ERBB4: variants seen among roughly 807,000 people sequenced by gnomAD.
ERBB4 encodes the protein receptor tyrosine-protein kinase erbB-4.
Under a neutral mutation model 158.0 loss-of-function variants are expected in ERBB4, and 42 were observed. That is an observed-to-expected ratio of 0.27 (90% CI 0.21 to 0.34). ERBB4 has a LOEUF of 0.34. Among genes scored for constraint, ERBB4 ranks in the 10% least tolerant of loss-of-function variants. The probability of loss-of-function intolerance (pLI) is 1.00; values close to 1 mark genes in which losing one functional copy is unlikely to be tolerated. For missense variants in ERBB4, 1,333 were observed against 1,624.1 expected, an observed-to-expected ratio of 0.82 and a Z score of 3.08; for synonymous variants, 583 against 558.7, an observed-to-expected ratio of 1.04 and a Z score of -0.61.
intron 20 of ERBB4, among the ~76,000 whole-genome samples, chr2:211,540,019 C>A (rs1559275428): frequency 6.6e-6 from 1 of 151,622 alleles, no homozygotes; most frequent in Non-Finnish European, 1.5e-5. Flanking sequence ...TGGATATATC[C>A]ATAAGTCATG....
intron 19 of ERBB4, among the ~76,000 whole-genome samples, chr2:211,586,008 T>G (rs2068264058): frequency 6.6e-6 from 1 of 152,180 alleles, no homozygotes; most frequent in Admixed American, 6.5e-5. Context: ...GTTCAAGAAA[T>G]TTACATCAAA....
chr2:211,595,798 T>C (rs1187419299), intron 19 of ERBB4, among the ~76,000 whole-genome samples: 2 of 152,196 alleles, frequency 1.3e-5, no homozygotes, highest in African/African-American at 4.8e-5. Flanking sequence ...ATCATGCAGA[T>C]ATGAAAGGGT....
At chr2:212,157,896 C>A (rs2081089389) in intron 1 of ERBB4, among the ~76,000 whole-genome samples, 1 of 152,036 alleles carries the variant, frequency 6.6e-6, no homozygotes, top group African/African-American at 2.4e-5. Context: ...AAGAAGCCTG[C>A]TCTTAACAGT....
chr2:211,711,932 G>T (rs959034804), intron 9 of ERBB4, 118 bp downstream of exon 9: 2 of 824,360 alleles, frequency 2.4e-6, no homozygotes, highest in Admixed American at 2.1e-5. Flanking sequence ...TTGGTGAGGA[G>T]CATTAATGAA....
chr2:211,429,028 A>T, intron 21 of ERBB4, among the ~76,000 whole-genome samples: 1 of 151,228 alleles, frequency 6.6e-6, no homozygotes, highest in Non-Finnish European at 1.5e-5. Flanking sequence ...ATTTTTTTAA[A>T]AAAAAAGCTT....
intron 3 of ERBB4, among the ~76,000 whole-genome samples, chr2:211,939,472 C>T (rs192323055): frequency 6.6e-6 from 1 of 151,968 alleles, no homozygotes; most frequent in Non-Finnish European, 1.5e-5. Flanking sequence ...ATTATCATGC[C>T]TTTGGTAAAC....
At chr2:212,056,171 G>T (rs1287573059) in intron 2 of ERBB4, among the ~76,000 whole-genome samples, 1 of 152,128 alleles carries the variant, frequency 6.6e-6, no homozygotes, top group Non-Finnish European at 1.5e-5. Flanking sequence ...TGGAAGAAAG[G>T]GTATCAGTGA....
At chr2:211,999,837 C>A (rs781486594) in intron 2 of ERBB4, among the ~76,000 whole-genome samples, 13 of 151,476 alleles carry the variant, frequency 8.6e-5, no homozygotes, top group African/African-American at 2.9e-4. Context: ...TATTTCCTTA[C>A]CAAGTTTAGT....
chr2:211,544,924 A>G (rs1310989972), intron 20 of ERBB4, among the ~76,000 whole-genome samples: 2 of 152,058 alleles, frequency 1.3e-5, no homozygotes, highest in East Asian at 3.9e-4. Flanking sequence ...ATCAAACTAT[A>G]AGACAACCTG....
chr2:211,510,845 C>T (rs2065868321), intron 20 of ERBB4, among the ~76,000 whole-genome samples: 1 of 151,902 alleles, frequency 6.6e-6, no homozygotes, highest in African/African-American at 2.4e-5. Flanking sequence ...ATGACAATCT[C>T]ATTTATTTTT....
At chr2:212,352,255 C>A (rs1356990725) in intron 1 of ERBB4, among the ~76,000 whole-genome samples, 1 of 150,106 alleles carries the variant, frequency 6.7e-6, no homozygotes, top group Admixed American at 6.6e-5. Context: ...ATCTGTACAT[C>A]AACATCCCAG....
chr2:211,866,432 G>T (rs1299585463), intron 3 of ERBB4, among the ~76,000 whole-genome samples: 1 of 151,906 alleles, frequency 6.6e-6, no homozygotes, highest in South Asian at 2.1e-4. Context: ...ATGTTTTATA[G>T]AATCTAGTAT....
At chr2:211,450,521 G>A (rs1319678012) in intron 20 of ERBB4, among the ~76,000 whole-genome samples, 1 of 152,152 alleles carries the variant, frequency 6.6e-6, no homozygotes, top group Non-Finnish European at 1.5e-5. Context: ...CAATGGTGGT[G>A]GAGATGGAGA....
intron 1 of ERBB4, among the ~76,000 whole-genome samples, chr2:212,357,610 C>A (rs1306115554): frequency 6.6e-6 from 1 of 151,632 alleles, no homozygotes; most frequent in East Asian, 1.9e-4. Context: ...CACAGAGAAG[C>A]CCAGACACTG....
At chr2:211,911,771 A>T (rs2079545892) in intron 3 of ERBB4, among the ~76,000 whole-genome samples, 2 of 151,850 alleles carry the variant, frequency 1.3e-5, no homozygotes, top group African/African-American at 4.8e-5. Flanking sequence ...TGGGGAGATG[A>T]TAATCAAAGG....
intron 4 of ERBB4, among the ~76,000 whole-genome samples, chr2:211,760,828 G>A (rs756242472): frequency 1.6e-4 from 24 of 152,096 alleles, no homozygotes; most frequent in Non-Finnish European, 2.9e-4. Flanking sequence ...TCTGCACAGC[G>A]CAGTAGGTAT....
intron 3 of ERBB4, among the ~76,000 whole-genome samples, chr2:211,829,488 T>A (rs114706264): frequency 0.012 from 1,822 of 152,270 alleles, 32 homozygotes; most frequent in African/African-American, 0.041. Context: ...ACGTCATCAC[T>A]CTGTCTTATT....
intron 2 of ERBB4, among the ~76,000 whole-genome samples, chr2:212,019,113 G>A (rs2076590228): frequency 6.6e-6 from 1 of 152,228 alleles, no homozygotes; most frequent in South Asian, 2.1e-4. Context: ...GAGCAGCAAA[G>A]AGAAGGGTAG....
At chr2:212,342,177 A>C (rs920611611) in intron 1 of ERBB4, among the ~76,000 whole-genome samples, 1 of 152,152 alleles carries the variant, frequency 6.6e-6, no homozygotes, top group African/African-American at 2.4e-5. Flanking sequence ...GGTGTTGCTT[A>C]TATTAAAGAA....
Sources: gnomAD v4.1 joint callset for allele counts (sites outside exome capture counted in the v4.1 genomes callset) on GRCh38, gnomAD v4.1.1 for gene constraint, MANE v1.5 for transcripts, NCBI Gene and HGNC (gene_info 2026-07-23, HGNC 2026-07-21) for gene names.